The following RGS6 variants were observed in gnomAD, a reference collection of about 807,000 sequenced individuals.
RGS6 encodes regulator of G protein signaling 6.
RGS6 carries 30 observed loss-of-function variants against 78.5 expected under a neutral mutation model. The observed-to-expected ratio is 0.38, with a 90% CI of 0.29 to 0.52. The LOEUF is 0.52. Among genes scored for constraint, RGS6 ranks in the 20% least tolerant of loss-of-function variants. The pLI is 0.85. For missense variants in RGS6, 495 were observed against 609.7 expected, an observed-to-expected ratio of 0.81 and a Z score of 1.98; for synonymous variants, 206 against 206.0, an observed-to-expected ratio of 1.00 and a Z score of 0.00.
chr14:72,527,429 A>G (rs2097132687), intron 15 of RGS6, among the ~76,000 whole-genome samples: 1 of 152,190 alleles, frequency 6.6e-6, no homozygotes, highest in Admixed American at 6.5e-5. Flanking sequence ...CTGGTTCCAT[A>G]CTTACCTTGG....
At chr14:71,891,895 T>C in the RGS6 span, among the ~76,000 whole-genome samples, 46,365 of 151,916 alleles carry the variant, frequency 0.31, 10,271 homozygotes, top group African/African-American at 0.63. Context: ...GTCTCTTCCC[T>C]ATTTTTAAGC....
intron 2 of RGS6, among the ~76,000 whole-genome samples, chr14:72,207,892 C>T (rs942881542): frequency 6.6e-6 from 1 of 152,138 alleles, no homozygotes; most frequent in Non-Finnish European, 1.5e-5. Context: ...AATAATAGTA[C>T]CGACCTCCTG....
chr14:72,430,543 T>C (rs1335410266), intron 3 of RGS6, among the ~76,000 whole-genome samples: 1 of 152,208 alleles, frequency 6.6e-6, no homozygotes, highest in Non-Finnish European at 1.5e-5. Context: ...GCTTGGGATG[T>C]GCACCCAGCC....
At chr14:72,479,566 G>C (rs2096322736) in intron 12 of RGS6, among the ~76,000 whole-genome samples, 1 of 152,224 alleles carries the variant, frequency 6.6e-6, no homozygotes, top group South Asian at 2.1e-4. Flanking sequence ...TGACACTCCT[G>C]CTTTTTCTAT....
the RGS6 span, among the ~76,000 whole-genome samples, chr14:72,613,834 C>G: frequency 1.0e-2 from 1,518 of 152,310 alleles, 24 homozygotes; most frequent in African/African-American, 0.035. Flanking sequence ...AGGGGGCGCC[C>G]GCCGCACAGC....
At chr14:72,566,573 G>C (rs2097711698), downstream of RGS6, 1 of 151,788 alleles carries the variant, frequency 6.6e-6, no homozygotes, top group African/African-American at 2.4e-5. Flanking sequence ...TCGTTGGGCA[G>C]GATGTACCTC....
At chr14:72,142,519 G>C (rs1339892501) in intron 2 of RGS6, among the ~76,000 whole-genome samples, 3 of 152,186 alleles carry the variant, frequency 2.0e-5, no homozygotes, top group South Asian at 2.1e-4. Context: ...ATTTGCATCT[G>C]TTCCATGTGT....
chr14:72,108,919 CCT>C (rs2095691372), intron 2 of RGS6, among the ~76,000 whole-genome samples: 1 of 151,898 alleles, frequency 6.6e-6, no homozygotes, highest in Non-Finnish European at 1.5e-5. Flanking sequence ...TATTCGTTTT[CCT>C]CTTTTATCCT....
chr14:72,272,428 G>C (rs992723279), intron 2 of RGS6, among the ~76,000 whole-genome samples: 1 of 152,170 alleles, frequency 6.6e-6, no homozygotes, highest in African/African-American at 2.4e-5. Context: ...ACTGCTCTGG[G>C]CCTCTGTAAA....
At chr14:72,517,605 A>G (rs11620663) in intron 14 of RGS6, among the ~76,000 whole-genome samples, 3 of 152,182 alleles carry the variant, frequency 2.0e-5, no homozygotes, top group Non-Finnish European at 4.4e-5. Flanking sequence ...CCTCTTCAGC[A>G]TTGCTCCAGA....
chr14:72,006,246 T>C (rs556569256), intron 2 of RGS6, among the ~76,000 whole-genome samples: 1 of 152,300 alleles, frequency 6.6e-6, no homozygotes, highest in South Asian at 2.1e-4. Flanking sequence ...ATGCCTCTTA[T>C]TAAATCTTAT....
At chr14:72,182,421 A>G (rs1393159825) in intron 2 of RGS6, among the ~76,000 whole-genome samples, 2 of 150,904 alleles carry the variant, frequency 1.3e-5, no homozygotes, top group Non-Finnish European at 3.0e-5. Context: ...CATCTCAAAA[A>G]AAAAAAAAAA....
intron 2 of RGS6, among the ~76,000 whole-genome samples, chr14:72,323,163 G>A (rs1452009855): frequency 6.6e-6 from 1 of 152,000 alleles, no homozygotes; most frequent in Admixed American, 6.6e-5. Flanking sequence ...GGAAAAAATA[G>A]TATAAACAAT....
intron 10 of RGS6, among the ~76,000 whole-genome samples, chr14:72,476,327 T>G (rs1490779174): frequency 2.6e-5 from 4 of 152,238 alleles, no homozygotes; most frequent in Non-Finnish European, 1.5e-5. Flanking sequence ...GAACTTTCTT[T>G]ATTCAGAATC....
intron 2 of RGS6, among the ~76,000 whole-genome samples, chr14:72,011,361 T>C (rs1175263146): frequency 6.6e-6 from 1 of 152,212 alleles, no homozygotes; most frequent in African/African-American, 2.4e-5. Flanking sequence ...TGTGGCCTCA[T>C]GATGGCATCA....
At chr14:71,888,721 G>T in the RGS6 span, among the ~76,000 whole-genome samples, 1 of 152,098 alleles carries the variant, frequency 6.6e-6, no homozygotes, top group Non-Finnish European at 1.5e-5. Flanking sequence ...CTCATTACAG[G>T]CACATACAGA....
chr14:72,624,585 C>A, the RGS6 span, among the ~76,000 whole-genome samples: 10 of 152,174 alleles, frequency 6.6e-5, no homozygotes, highest in East Asian at 1.9e-4. Flanking sequence ...GTAATCCGCC[C>A]GCCTCAGCCT....
intron 1 of RGS6, among the ~76,000 whole-genome samples, chr14:71,943,062 C>T (rs988539193): frequency 1.3e-5 from 2 of 152,100 alleles, no homozygotes; most frequent in Non-Finnish European, 2.9e-5. Flanking sequence ...TCTACAAAGC[C>T]AGCTGAGGTG....
At chr14:71,981,510 TACCCGGCC>T (rs2094450554) in intron 2 of RGS6, among the ~76,000 whole-genome samples, 1 of 151,522 alleles carries the variant, frequency 6.6e-6, no homozygotes, top group South Asian at 2.1e-4. Flanking sequence ...TCTGTTGGAA[TACCCGGCC>T]GTGTGAGGTG....
Sources: allele counts gnomAD v4.1 joint callset (sites outside exome capture counted in the v4.1 genomes callset), GRCh38; gene constraint gnomAD v4.1.1; transcripts MANE v1.5; gene names NCBI Gene and HGNC (gene_info 2026-07-23, HGNC 2026-07-21).